Variants in CDK8 observed in about 807,000 individuals in gnomAD.
The protein encoded by CDK8 is cyclin-dependent kinase 8.
A neutral mutation model predicts 71.5 loss-of-function variants in CDK8; 29 were observed. The ratio of observed to expected loss-of-function variants is 0.41; its 90% confidence interval spans 0.30 to 0.55. The LOEUF is 0.55. Ranked by LOEUF, CDK8 falls within the 20% of genes least tolerant of loss-of-function variation. The probability of loss-of-function intolerance (pLI) is 0.37; values close to 1 mark genes in which losing one functional copy is unlikely to be tolerated. For synonymous variants in CDK8, 161 were observed against 192.1 expected, an observed-to-expected ratio of 0.84 and a Z score of 1.34; for missense variants, 288 against 572.6, an observed-to-expected ratio of 0.50 and a Z score of 5.07.
At chr13:26,373,879 T>C (rs1441455490) in intron 4 of CDK8, among the ~76,000 whole-genome samples, 2 of 151,432 alleles carry the variant, frequency 1.3e-5, no homozygotes, top group Non-Finnish European at 2.9e-5. Flanking sequence ...GTATCAGAAG[T>C]GTTAAAAAAT....
At chr13:26,402,469 CA>C (rs779627151) in intron 12 of CDK8, among the ~76,000 whole-genome samples, 5 of 150,450 alleles carry the variant, frequency 3.3e-5, no homozygotes, top group East Asian at 3.9e-4. Flanking sequence ...TATTTACACA[CA>C]AAAAAAAAGA....
chr13:26,289,827 G>A (rs527542683), intron 1 of CDK8, among the ~76,000 whole-genome samples: 4 of 152,294 alleles, frequency 2.6e-5, no homozygotes, highest in East Asian at 3.9e-4. Flanking sequence ...TGGGATTACA[G>A]GCGTGAGCCA....
At chr13:26,386,942 C>T (rs1346056060) in intron 6 of CDK8, among the ~76,000 whole-genome samples, 1 of 152,184 alleles carries the variant, frequency 6.6e-6, no homozygotes, top group Non-Finnish European at 1.5e-5. Flanking sequence ...ATCTGAAGTT[C>T]ATATCTTGTA....
chr13:26,288,225 G>T (rs982015920), intron 1 of CDK8, among the ~76,000 whole-genome samples: 3 of 152,182 alleles, frequency 2.0e-5, no homozygotes, highest in Non-Finnish European at 2.9e-5. Context: ...ACCTCCTAAA[G>T]TGCTGGGGTT....
At position 26,255,835 on chromosome 13, in the gene CDK8, C is replaced by A. The variant is rs562735271; in HGVS notation, c.128+1066C>A. 8.5e-4 allele frequency among the ~76,000 whole-genome samples: 130 copies of A among 152,082 alleles called. 1 individual carries two copies. Among genetic ancestry groups the A allele is most frequent in the African/African-American group, 3.0e-3 (125 of 41,478 alleles). ...TATGATGTTTAATCACTTAAAATTT[C>A]CAATTAGGTAGGAGAGTATGTTCAG... On this transcript the variant is annotated intron_variant, in intron 1 of 12. Transcript: ENST00000381527.
chr13:26,378,513 A>T (rs575816691), intron 4 of CDK8, among the ~76,000 whole-genome samples: 3 of 152,208 alleles, frequency 2.0e-5, no homozygotes. Flanking sequence ...GTAGTATCTC[A>T]TAGATTTATA....
chr13:26,254,424 TCCACCC>T lies in CDK8; in HGVS notation c.-215_-210del, dbSNP rs1359202003. On this transcript the variant is annotated 5_prime_UTR_variant, in exon 1 of 13. Transcript: ENST00000381527. The surrounding 1 kb of genome is among the most constrained non-coding windows in gnomAD (Gnocchi z 6.7). ...TTCGCCGGGGGATCCTCCCCGTTCC[TCCACCC>T]CCGGCCGGCCTCTGCCCCGCCGTCC... 1 of 417,122 alleles carries T rather than the reference TCCACCC, an allele frequency of 2.4e-6. No homozygotes were observed. Among genetic ancestry groups the T allele is most frequent in the African/African-American group, 2.1e-5 (1 of 47,260 alleles). 25.8% of individuals were successfully genotyped at this position (417,122 alleles called of 1,614,324 possible).
chr13:26,313,538 A>G (rs866835751), intron 1 of CDK8, among the ~76,000 whole-genome samples: 21 of 152,338 alleles, frequency 1.4e-4, no homozygotes, highest in Middle Eastern at 6.8e-3. Flanking sequence ...TAGTAGTTTA[A>G]TTGGGATACG....
In CDK8 at chr13:26,284,105, A is replaced by G. The variant is rs541975193; in HGVS notation, c.128+29336A>G. ...TTCTTGCAACTGAACAGTAATAGTG[A>G]CACAACTTACCAAACTTCTGGAATA... On this transcript the variant is annotated intron_variant, in intron 1 of 12. Transcript: ENST00000381527. Among the ~76,000 whole-genome samples, 3 of 152,326 alleles carry G rather than the reference A, an allele frequency of 2.0e-5. No individual in the cohort carries two copies. The South Asian group carries it at 6.2e-4, about 32-fold the overall frequency.
intron 1 of CDK8, among the ~76,000 whole-genome samples, chr13:26,312,127 G>A (rs915932761): frequency 2.6e-5 from 4 of 151,978 alleles, no homozygotes; most frequent in African/African-American, 9.7e-5. Context: ...GTCTAGCTAC[G>A]GGATTGTAAA....
In CDK8 at chr13:26,403,883, C is replaced by G. The variant is rs563765729; in HGVS notation, c.1270-73C>G. 16 of 1,547,348 alleles carry G rather than the reference C, an allele frequency of 1.0e-5. No homozygotes were observed. In the Admixed American group the frequency reaches 2.0e-4, roughly 20 times the overall value. ...CTTTCTTCCTTGAAACATAATGACA[C>G]TTCAGTCACATATTGGGATTGAGCT... is the stretch of plus-strand genomic sequence containing the variant. On this transcript the variant is annotated intron_variant, in intron 12 of 12. Transcript: ENST00000381527.
chr13:26,385,378 A>G lies in CDK8; in HGVS notation c.646+36A>G, dbSNP rs200812622. On this transcript the variant is annotated intron_variant, in intron 6 of 12. Coordinates refer to ENST00000381527, the MANE Select transcript of CDK8 (RefSeq NM_001260.3). ...CTAATTAAAATTCCATGAGTTTTTA[A>G]AAGTTTCTTTAAAAGACACACATTC... is the stretch of plus-strand genomic sequence containing the variant. 2.0e-5 allele frequency: 31 copies of G among 1,547,168 alleles called. No homozygotes were observed. In the East Asian group the frequency reaches 6.1e-4, roughly 30 times the overall value.
At chr13:26,397,851 G>T (rs1021851078) in intron 9 of CDK8, among the ~76,000 whole-genome samples, 1 of 152,138 alleles carries the variant, frequency 6.6e-6, no homozygotes, top group East Asian at 1.9e-4. Flanking sequence ...AATTTCCATT[G>T]TTACAGCGTA....
At chr13:26,378,293 C>T (rs908009455) in intron 4 of CDK8, among the ~76,000 whole-genome samples, 5 of 152,104 alleles carry the variant, frequency 3.3e-5, no homozygotes, top group Non-Finnish European at 7.4e-5. Context: ...ATTTGCTATC[C>T]TTGGTGTATG....
intron 1 of CDK8, among the ~76,000 whole-genome samples, chr13:26,277,772 A>C (rs1441575996): frequency 1.3e-5 from 2 of 152,214 alleles, no homozygotes; most frequent in Admixed American, 1.3e-4. Context: ...AATGTAATTA[A>C]TTCTCTAAAA....
At chr13:26,320,207 C>A (rs1408700122) in intron 1 of CDK8, among the ~76,000 whole-genome samples, 1 of 151,396 alleles carries the variant, frequency 6.6e-6, no homozygotes, top group Non-Finnish European at 1.5e-5. Flanking sequence ...TGAGACCAGC[C>A]TGGGCAAAAT....
intron 1 of CDK8, among the ~76,000 whole-genome samples, chr13:26,270,131 T>C (rs760262013): frequency 2.6e-5 from 4 of 152,106 alleles, no homozygotes; most frequent in Non-Finnish European, 5.9e-5. Context: ...GGCTCACTCT[T>C]GTAATCCCAG....
At chr13:26,336,914 A>C (rs903711797) in intron 1 of CDK8, among the ~76,000 whole-genome samples, 5 of 152,026 alleles carry the variant, frequency 3.3e-5, no homozygotes, top group African/African-American at 1.2e-4. Flanking sequence ...TTTCTGTTGC[A>C]CTTGCCATAT....
chr13:26,352,100 C>T lies in CDK8; in HGVS notation c.316-1640C>T, dbSNP rs376845042. On this transcript the variant is annotated intron_variant, in intron 3 of 12. Coordinates refer to ENST00000381527, the MANE Select transcript of CDK8 (RefSeq NM_001260.3). ...ATATTTGTTCCTTTGATTCTTACTGCGGCAGAGTTTTAATTTTTTTTTTTT... is the reference window on the plus strand; with the variant it reads ...ATATTTGTTCCTTTGATTCTTACTGTGGCAGAGTTTTAATTTTTTTTTTTT... 3.0e-4 allele frequency among the ~76,000 whole-genome samples: 46 copies of T among 151,106 alleles called. No individual in the cohort carries two copies. The East Asian group carries it at 7.8e-3, about 25-fold the overall frequency.
Sources: gnomAD v4.1 joint callset for allele counts (sites outside exome capture counted in the v4.1 genomes callset) on GRCh38, gnomAD v4.1.1 for gene constraint, Gnocchi (gnomAD v3.1) non-coding constraint, MANE v1.5 for transcripts, NCBI Gene and HGNC (gene_info 2026-07-23, HGNC 2026-07-21) for gene names.